CTNNBL1: variants seen among roughly 807,000 people sequenced by gnomAD.
The protein encoded by CTNNBL1 is catenin beta like 1, also known as beta-catenin-like protein 1.
Under a neutral mutation model 72.7 loss-of-function variants are expected in CTNNBL1, and 31 were observed. That is an observed-to-expected ratio of 0.43 (90% CI 0.32 to 0.58). The LOEUF is 0.58. Ranked by LOEUF, CTNNBL1 falls within the 20% of genes least tolerant of loss-of-function variation. CTNNBL1 has a pLI of 0.08. For synonymous variants in CTNNBL1, 240 were observed against 267.3 expected (o/e 0.90, Z 1.00); for missense variants, 534 against 725.1 (o/e 0.74, Z 3.03).
rs1246510204 is a variant in CTNNBL1, at chr20:37,842,521, C to T, written c.1392+102C>T. 9.0e-6 allele frequency: 7 copies of T among 780,602 alleles called. No individual in the cohort carries two copies. The East Asian group carries it at 1.5e-4, about 17-fold the overall frequency. 48.4% of individuals were successfully genotyped at this position (780,602 alleles called of 1,614,324 possible). Reference sequence around the variant, plus strand: ...CACAGGATAGGTAAGGGCAGCAGTGCCATCTAACATGTTATAGAAGTAGAG... The same window carrying T: ...CACAGGATAGGTAAGGGCAGCAGTGTCATCTAACATGTTATAGAAGTAGAG... On this transcript the variant is annotated intron_variant, in intron 13 of 15. Transcript: ENST00000361383.
At chr20:37,783,310 CCTAA>C (rs1315053464) in intron 10 of CTNNBL1, among the ~76,000 whole-genome samples, 1 of 152,108 alleles carries the variant, frequency 6.6e-6, no homozygotes, top group African/African-American at 2.4e-5. Flanking sequence ...TCTTTTGAAA[CCTAA>C]CTTTTAATTT....
At chr20:37,711,423 A>G (rs2072937529) in intron 1 of CTNNBL1, among the ~76,000 whole-genome samples, 1 of 151,660 alleles carries the variant, frequency 6.6e-6, no homozygotes. Flanking sequence ...ATCATTCCAT[A>G]CATATTTATT....
At chr20:37,802,094 A>G (rs2073828119) in intron 10 of CTNNBL1, among the ~76,000 whole-genome samples, 1 of 152,244 alleles carries the variant, frequency 6.6e-6, no homozygotes, top group Non-Finnish European at 1.5e-5. Flanking sequence ...CATTATTCAT[A>G]ATAGCCAAAG....
At chr20:37,697,626 C>G (rs2072805377) in intron 1 of CTNNBL1, among the ~76,000 whole-genome samples, 1 of 152,176 alleles carries the variant, frequency 6.6e-6, no homozygotes, top group Non-Finnish European at 1.5e-5. Context: ...CTTCATTCAA[C>G]CCACTTGTTC....
chr20:37,810,839 C>T (rs2072005915), intron 11 of CTNNBL1, among the ~76,000 whole-genome samples: 1 of 152,252 alleles, frequency 6.6e-6, no homozygotes, highest in Middle Eastern at 3.4e-3. Context: ...AGGTTGGTCT[C>T]CTGGTTCTGT....
At chr20:37,845,353 TAGCACTGACGGAG>T (rs1445980458) in intron 13 of CTNNBL1, among the ~76,000 whole-genome samples, 9 of 152,192 alleles carry the variant, frequency 5.9e-5, no homozygotes, top group Non-Finnish European at 1.3e-4. Flanking sequence ...TGAAATTGAT[TAGCACTGACGGAG>T]AGTAATCGCT....
At chr20:37,871,485 C>T (rs1437154734) in intron 15 of CTNNBL1, among the ~76,000 whole-genome samples, 7 of 152,144 alleles carry the variant, frequency 4.6e-5, no homozygotes, top group East Asian at 1.9e-4. Flanking sequence ...TGAGAGTTCC[C>T]TGCAGTCCTT....
chr20:37,777,584 A>C (rs941389021), intron 8 of CTNNBL1, 70 bp from the exon 9 acceptor site: 1 of 1,469,510 alleles, frequency 6.8e-7, no homozygotes, highest in Non-Finnish European at 9.5e-7. Context: ...CTGATGTATC[A>C]GTGTTAGACG....
intron 11 of CTNNBL1, among the ~76,000 whole-genome samples, chr20:37,820,715 T>C (rs1011855456): frequency 2.0e-5 from 3 of 152,092 alleles, no homozygotes; most frequent in African/African-American, 7.2e-5. Context: ...TTGCTTCCCC[T>C]TCACCTCCTG....
At chr20:37,816,662 T>C (rs763387661) in intron 11 of CTNNBL1, among the ~76,000 whole-genome samples, 51 of 152,338 alleles carry the variant, frequency 3.3e-4, no homozygotes, top group Non-Finnish European at 6.0e-4. Flanking sequence ...ACATTTCTTA[T>C]ACTTTTTCTA....
rs138834207 is a variant in CTNNBL1 at position 37,750,355 on chromosome 20, T to A, written c.466+3748T>A. On this transcript the variant is annotated intron_variant, in intron 4 of 15. Transcript: ENST00000361383. The stretch of plus-strand genomic sequence containing the variant: ...CACACCTCACATGGTTTTGGAGGGT[T>A]ACTCTAAATGCAGTCGGAGGCAGCA... The A allele has an allele frequency of 5.3e-5, 8 of 152,306 alleles. No individual in the cohort carries two copies. In the East Asian group the frequency reaches 1.5e-3, roughly 29 times the overall value. The allele number at this position is 152,306 out of a possible 1,614,324, so 9.4% of individuals were successfully genotyped here. A position where few individuals can be genotyped will look rare whatever the true frequency, so the allele number is the denominator to read the frequency against.
At chr20:37,724,386 G>T (rs981695348) in intron 1 of CTNNBL1, among the ~76,000 whole-genome samples, 1 of 152,080 alleles carries the variant, frequency 6.6e-6, no homozygotes, top group Non-Finnish European at 1.5e-5. Context: ...TTAAATGTGA[G>T]CGAGACTAGA....
intron 11 of CTNNBL1, among the ~76,000 whole-genome samples, chr20:37,826,129 A>G (rs2072157696): frequency 6.6e-6 from 1 of 152,204 alleles, no homozygotes; most frequent in Non-Finnish European, 1.5e-5. Context: ...ATGCCACATC[A>G]TTCCGGTCTG....
At position 37,765,250 on chromosome 20, in the gene CTNNBL1, G is replaced by A. The variant is rs750455079; in HGVS notation, c.618G>A (p.Glu206=). 2.9e-5 allele frequency: 45 copies of A among 1,551,442 alleles called. No individual in the cohort carries two copies. The highest frequency in any genetic ancestry group is 3.8e-5 in the Non-Finnish European group (44 of 1,146,862). The part of the protein sequence containing the change: ...LLVQNLERLD[E]SVKEEADGVH... Reference sequence around the variant, plus strand: ...TACAGAATCTGGAGCGCCTGGATGAGTCTGTGAAAGAGGAGGCAGATGGCG... The same window carrying A: ...TACAGAATCTGGAGCGCCTGGATGAATCTGTGAAAGAGGAGGCAGATGGCG... Residue 206 remains glutamate (E), a synonymous_variant, in exon 6 of 16, where the codon GAG becomes GAA. Coordinates refer to ENST00000361383, the MANE Select transcript of CTNNBL1 (RefSeq NM_030877.5).
intron 13 of CTNNBL1, among the ~76,000 whole-genome samples, chr20:37,843,383 T>TCCAGGTGTTGGGAC (rs1568806749): frequency 8.5e-5 from 13 of 152,094 alleles, no homozygotes; most frequent in Non-Finnish European, 1.5e-4. Context: ...CGTGTTGGGA[T>TCCAGGTGTTGGGAC]CATCCAGCTA....
chr20:37,807,229 G>A (rs1026277759), intron 11 of CTNNBL1, among the ~76,000 whole-genome samples: 9 of 152,070 alleles, frequency 5.9e-5, no homozygotes, highest in African/African-American at 1.7e-4. Flanking sequence ...TACCATGAAG[G>A]GTGTTTGCAA....
chr20:37,802,281 C>T (rs1820684606), intron 10 of CTNNBL1, among the ~76,000 whole-genome samples: 1 of 152,158 alleles, frequency 6.6e-6, no homozygotes, highest in South Asian at 2.1e-4. Flanking sequence ...TATCTACTTA[C>T]ATGAAATGTC....
chr20:37,803,626 G>A (rs187972024), intron 11 of CTNNBL1, among the ~76,000 whole-genome samples: 189 of 152,260 alleles, frequency 1.2e-3, no homozygotes, highest in African/African-American at 4.5e-3. Context: ...CCTCTCCCCA[G>A]TAAATAGCCA....
chr20:37,711,192 G>A (rs936048962), intron 1 of CTNNBL1, among the ~76,000 whole-genome samples: 1 of 152,156 alleles, frequency 6.6e-6, no homozygotes, highest in Admixed American at 6.5e-5. Flanking sequence ...AGACTTTCCA[G>A]TTCTGCAACT....
Sources: gnomAD v4.1 joint callset for allele counts (sites outside exome capture counted in the v4.1 genomes callset) on GRCh38, gnomAD v4.1.1 for gene constraint, MANE v1.5 for transcripts, NCBI Gene and HGNC (gene_info 2026-07-23, HGNC 2026-07-21) for gene names.